Variants in RASAL2 observed in about 807,000 individuals in gnomAD.
RASAL2 encodes the protein ras GTPase-activating protein nGAP.
RASAL2 carries 58 observed loss-of-function variants against 128.9 expected under a neutral mutation model. That is an observed-to-expected ratio of 0.45 (90% CI 0.36 to 0.56). The LOEUF (loss-of-function observed/expected upper bound fraction) is 0.56, where lower values mean the gene tolerates loss of function less well. Ranked by LOEUF, RASAL2 falls within the 20% of genes least tolerant of loss-of-function variation. The pLI is 0.00. For synonymous variants in RASAL2, 561 were observed against 580.8 expected (o/e 0.97, Z 0.49); for missense variants, 1,360 against 1,601.6 (o/e 0.85, Z 2.57).
At chr1:178,380,306 A>G (rs542368274) in intron 3 of RASAL2, among the ~76,000 whole-genome samples, 1 of 152,326 alleles carries the variant, frequency 6.6e-6, no homozygotes, top group African/African-American at 2.4e-5. Context: ...TAGCCATGTC[A>G]CTAATAGAGA....
At chr1:178,203,373 T>C (rs1662938344) in intron 1 of RASAL2, among the ~76,000 whole-genome samples, 1 of 152,186 alleles carries the variant, frequency 6.6e-6, no homozygotes. Context: ...ACAATTACAA[T>C]GCCATCTAGG....
At chr1:178,162,431 AT>A (rs1169183599) in intron 1 of RASAL2, among the ~76,000 whole-genome samples, 1 of 117,888 alleles carries the variant, frequency 8.5e-6, no homozygotes, top group African/African-American at 3.4e-5. Flanking sequence ...TATTATATAT[AT>A]TTTATATATA....
chr1:178,152,322 C>A (rs1660939991), intron 1 of RASAL2, among the ~76,000 whole-genome samples: 1 of 152,168 alleles, frequency 6.6e-6, no homozygotes, highest in Admixed American at 6.5e-5. Context: ...TCTTAACTTG[C>A]CCTACGCATC....
At position 178,109,428 on chromosome 1, in the gene RASAL2, G is replaced by A. The variant is rs767556338; in HGVS notation, c.202+14734G>A. On this transcript the variant is annotated intron_variant, in intron 1 of 17. Transcript: ENST00000367649. Reference sequence around the variant, plus strand: ...CACATGTTCTTTTCTAAAAGCTCAGGAACACTGTGGGCTCCTAGTGAGCCT... The same window carrying A: ...CACATGTTCTTTTCTAAAAGCTCAGAAACACTGTGGGCTCCTAGTGAGCCT... Among the ~76,000 whole-genome samples, 89 of 152,138 alleles carry A rather than the reference G, an allele frequency of 5.8e-4. 1 individual carries two copies. Among genetic ancestry groups the A allele is most frequent in the Admixed American group, 5.8e-3 (89 of 15,266 alleles).
chr1:178,201,014 A>C (rs1036168432), intron 1 of RASAL2, among the ~76,000 whole-genome samples: 1 of 152,162 alleles, frequency 6.6e-6, no homozygotes, highest in Non-Finnish European at 1.5e-5. Context: ...AATTAGACTA[A>C]AGTCCCAGCA....
At chr1:178,130,329 G>A (rs763130602) in intron 1 of RASAL2, among the ~76,000 whole-genome samples, 1 of 152,150 alleles carries the variant, frequency 6.6e-6, no homozygotes, top group African/African-American at 2.4e-5. Flanking sequence ...AAAGAAAAAT[G>A]TTTAATTAAG....
intron 3 of RASAL2, among the ~76,000 whole-genome samples, chr1:178,365,757 G>A (rs1002218857): frequency 2.6e-5 from 4 of 152,142 alleles, no homozygotes; most frequent in East Asian, 1.9e-4. Context: ...ATAGGCATGA[G>A]CCACCATGCC....
At chr1:178,422,904 A>G (rs1251944576) in intron 5 of RASAL2, among the ~76,000 whole-genome samples, 2 of 152,120 alleles carry the variant, frequency 1.3e-5, no homozygotes, top group Non-Finnish European at 1.5e-5. Context: ...GTTTCAGTAT[A>G]TAAGTAAAGA....
At chr1:178,225,242 A>G (rs576899465) in intron 1 of RASAL2, among the ~76,000 whole-genome samples, 1 of 151,812 alleles carries the variant, frequency 6.6e-6, no homozygotes, top group Non-Finnish European at 1.5e-5. Flanking sequence ...AAATATATAT[A>G]TTTTTACTTA....
chr1:178,223,841 A>C lies in RASAL2; in HGVS notation c.203-59723A>C, dbSNP rs145643539. On this transcript the variant is annotated intron_variant, in intron 1 of 17. Coordinates refer to ENST00000367649, the MANE Select transcript of RASAL2 (RefSeq NM_170692.4). The stretch of plus-strand genomic sequence containing the variant: ...AAGATTCATTAGATATTGGATATTG[A>C]ATGGTGAGAGATGGTGATAACTAAG... 8.4e-3 allele frequency among the ~76,000 whole-genome samples: 1,283 copies of C among 152,190 alleles called. 10 individuals carry two copies. Among genetic ancestry groups the C allele is most frequent in the Non-Finnish European group, 0.014 (972 of 67,978 alleles).
chr1:178,196,701 C>G (rs1662670917), intron 1 of RASAL2, among the ~76,000 whole-genome samples: 1 of 152,186 alleles, frequency 6.6e-6, no homozygotes, highest in Non-Finnish European at 1.5e-5. Context: ...TCCTTGGATT[C>G]TGGTACATGG....
At chr1:178,262,353 A>G (rs1480779161) in intron 1 of RASAL2, among the ~76,000 whole-genome samples, 2 of 152,212 alleles carry the variant, frequency 1.3e-5, no homozygotes, top group African/African-American at 4.8e-5. Flanking sequence ...GATCCACACA[A>G]TGAACGTCTT....
intron 1 of RASAL2, among the ~76,000 whole-genome samples, chr1:178,175,448 G>GTGTGTGTGTGTGTT (rs1661850840): frequency 1.3e-5 from 2 of 150,980 alleles, no homozygotes; most frequent in African/African-American, 4.9e-5. Context: ...GTGTGTGTGT[G>GTGTGTGTGTGTGTT]TGTGTGTGTG....
rs1247374902 is a variant in RASAL2, at chr1:178,478,234, C to G, written c.*4995C>G. 1 of 151,966 alleles carries G rather than the reference C, an allele frequency of 6.6e-6. No homozygotes were observed. The highest frequency in any genetic ancestry group is 1.5e-5 in the Non-Finnish European group (1 of 68,000). 9.4% of individuals were successfully genotyped at this position (151,966 alleles called of 1,614,324 possible). On this transcript the variant is annotated 3_prime_UTR_variant, in exon 18 of 18. Transcript: ENST00000367649. ...TCCACAGAAGTTGTGTTTTAGGGAC[C>G]TCCATCATCTTTGTGGGGGTACAGA...
intron 3 of RASAL2, among the ~76,000 whole-genome samples, chr1:178,328,289 G>A (rs1308764236): frequency 6.6e-6 from 1 of 151,914 alleles, no homozygotes; most frequent in Non-Finnish European, 1.5e-5. Context: ...TGGGTACATA[G>A]TAGGTGTATA....
intron 1 of RASAL2, among the ~76,000 whole-genome samples, chr1:178,190,736 T>A: frequency 6.7e-6 from 1 of 148,860 alleles, no homozygotes. Flanking sequence ...ATTTCATAGT[T>A]AAAAAAAAAA....
At chr1:178,232,194 A>AC (rs1664038506) in intron 1 of RASAL2, among the ~76,000 whole-genome samples, 2 of 151,748 alleles carry the variant, frequency 1.3e-5, no homozygotes, top group African/African-American at 4.8e-5. Context: ...TCCATTTGAA[A>AC]CCCCTATTTT....
At chr1:178,217,309 G>A (rs957696832) in intron 1 of RASAL2, among the ~76,000 whole-genome samples, 1 of 152,092 alleles carries the variant, frequency 6.6e-6, no homozygotes, top group Non-Finnish European at 1.5e-5. Context: ...CTATTTGGTT[G>A]ACAGAAAAAA....
chr1:178,273,195 T>C (rs1241449147), intron 1 of RASAL2, among the ~76,000 whole-genome samples: 1 of 152,214 alleles, frequency 6.6e-6, no homozygotes, highest in Non-Finnish European at 1.5e-5. Context: ...CTGCAAAAAG[T>C]AGGTTTGCCT....
Sources: allele counts gnomAD v4.1 joint callset (sites outside exome capture counted in the v4.1 genomes callset), GRCh38; gene constraint gnomAD v4.1.1; transcripts MANE v1.5; gene names NCBI Gene and HGNC (gene_info 2026-07-23, HGNC 2026-07-21).